The following PPP2R2D variants were observed in gnomAD, a reference collection of about 807,000 sequenced individuals.
PPP2R2D encodes serine/threonine-protein phosphatase 2A 55 kDa regulatory subunit B delta isoform.
Under a neutral mutation model 31.1 loss-of-function variants are expected in PPP2R2D, and 9 were observed. That is an observed-to-expected ratio of 0.29 (90% CI 0.17 to 0.51). The LOEUF (loss-of-function observed/expected upper bound fraction) is 0.51. PPP2R2D is among the 20% of genes least tolerant of loss of function. The pLI is 0.98. For synonymous variants in PPP2R2D, 179 were observed against 172.6 expected (o/e 1.04, Z -0.29); for missense variants, 391 against 465.6 (o/e 0.84, Z 1.48).
chr10:131,903,410 T>A (rs892817480), intron 2 of PPP2R2D, among the ~76,000 whole-genome samples: 4 of 136,626 alleles, frequency 2.9e-5, no homozygotes, highest in African/African-American at 1.1e-4. Flanking sequence ...GAGGTTGCAG[T>A]GAGTGGAGAT....
chr10:131,903,283 A>G (rs1451471658), intron 2 of PPP2R2D, among the ~76,000 whole-genome samples: 2 of 152,030 alleles, frequency 1.3e-5, no homozygotes, highest in Non-Finnish European at 1.5e-5. Flanking sequence ...CCTGGCCAAC[A>G]CAGTGAAACC....
the PPP2R2D span, chr10:131,970,731 C>T: frequency 6.2e-7 from 1 of 1,614,170 alleles, no homozygotes; most frequent in Non-Finnish European, 8.5e-7. The surrounding 1 kb of genome is among the most constrained non-coding windows in gnomAD (Gnocchi z 4.1). Context: ...CTTCATGACG[C>T]TCGTGTTCCT....
At chr10:131,934,793 C>G (rs1487938765) in intron 3 of PPP2R2D, 5 of 564,446 alleles carry the variant, frequency 8.9e-6, no homozygotes, top group African/African-American at 7.5e-5. Context: ...CGCTGGGGAC[C>G]CCATGAAGGA....
At chr10:131,923,908 C>G (rs992974993) in intron 2 of PPP2R2D, among the ~76,000 whole-genome samples, 8 of 152,100 alleles carry the variant, frequency 5.3e-5, no homozygotes, top group Non-Finnish European at 1.2e-4. Flanking sequence ...AGATACACAC[C>G]ACCACAGCCG....
chr10:131,913,778 T>C (rs1418087144), intron 2 of PPP2R2D, among the ~76,000 whole-genome samples: 1 of 152,156 alleles, frequency 6.6e-6, no homozygotes, highest in Non-Finnish European at 1.5e-5. Flanking sequence ...GTCAGGAGTT[T>C]AGAGCTCAGA....
At chr10:131,949,471 A>G (rs1159451483) in intron 8 of PPP2R2D, among the ~76,000 whole-genome samples, 1 of 152,228 alleles carries the variant, frequency 6.6e-6, no homozygotes, top group African/African-American at 2.4e-5. Flanking sequence ...CGTCACATTA[A>G]AATCATCTAA....
chr10:131,911,299 C>A (rs957963003), intron 2 of PPP2R2D, among the ~76,000 whole-genome samples: 1 of 152,240 alleles, frequency 6.6e-6, no homozygotes, highest in African/African-American at 2.4e-5. Context: ...GAGGTCCCCA[C>A]ACCTCTGGTG....
intron 2 of PPP2R2D, among the ~76,000 whole-genome samples, chr10:131,924,715 T>C (rs1342839549): frequency 6.6e-6 from 1 of 151,080 alleles, no homozygotes; most frequent in Non-Finnish European, 1.5e-5. Flanking sequence ...AAAAGGCAGC[T>C]GGGATTTTCA....
chr10:131,940,867 C>T (rs1399708640), intron 5 of PPP2R2D, 173 bp downstream of exon 5: 1 of 522,800 alleles, frequency 1.9e-6, no homozygotes, highest in Non-Finnish European at 3.4e-6. Context: ...CAAGGTCTTT[C>T]TCCTGTTTTC....
chr10:131,935,861 C>G (rs2036330203), intron 3 of PPP2R2D, among the ~76,000 whole-genome samples: 1 of 152,026 alleles, frequency 6.6e-6, no homozygotes, highest in Non-Finnish European at 1.5e-5. Context: ...GTCGGAAGTT[C>G]AAGACTAGCC....
At chr10:131,929,564 G>T (rs1554895393) in intron 2 of PPP2R2D, among the ~76,000 whole-genome samples, 4 of 152,004 alleles carry the variant, frequency 2.6e-5, no homozygotes, top group Non-Finnish European at 5.9e-5. Flanking sequence ...TCTCCACATC[G>T]CCCGTGTCCT....
intron 2 of PPP2R2D, among the ~76,000 whole-genome samples, chr10:131,933,679 C>T (rs1554896036): frequency 6.6e-6 from 1 of 152,152 alleles, no homozygotes; most frequent in Non-Finnish European, 1.5e-5. Flanking sequence ...AAATCTTTGT[C>T]CAAGTCACAG....
At chr10:131,901,574 G>A (rs1339813340) in intron 2 of PPP2R2D, among the ~76,000 whole-genome samples, 1 of 152,158 alleles carries the variant, frequency 6.6e-6, no homozygotes, top group African/African-American at 2.4e-5. Context: ...AAGTCACCAA[G>A]GTCACGGGCG....
At chr10:131,948,619 G>A (rs2036584130) in intron 8 of PPP2R2D, among the ~76,000 whole-genome samples, 1 of 152,210 alleles carries the variant, frequency 6.6e-6, no homozygotes, top group African/African-American at 2.4e-5. Flanking sequence ...CAGAATGGCA[G>A]CCTCTGAAGG....
chr10:131,901,905 G>A (rs1436421026), intron 2 of PPP2R2D, among the ~76,000 whole-genome samples: 1 of 152,238 alleles, frequency 6.6e-6, no homozygotes, highest in African/African-American at 2.4e-5. Context: ...TTACTGTGAG[G>A]TACTGCTACT....
In PPP2R2D at chr10:131,955,689, T is replaced by C; in HGVS notation, c.1088T>C (p.Ile363Thr). ...TCTGCTCTTGTTTTGAACAGCGCCA[T>C]CATGACCGGGTCCTATAACAACTTC... Reference protein sequence around the residue: ...ECCWNGSDSAIMTGSYNNFFR... With the variant: ...ECCWNGSDSATMTGSYNNFFR... The change falls in exon 9 of 9, where the codon ATC becomes ACC. Residue 363 changes from isoleucine (I) to threonine (T), a missense_variant. Ile to Thr is a moderately conservative substitution (Grantham distance 89, BLOSUM62 -1). Around this residue, in one of 3 missense-constraint regions of PPP2R2D, gnomAD observed 163 missense variants for 179.5 expected, o/e 0.91. Coordinates refer to ENST00000455566, the MANE Select transcript of PPP2R2D (RefSeq NM_018461.5). 6.9e-7 allele frequency: 1 copy of C among 1,452,380 alleles called. No homozygotes were observed. The highest frequency in any genetic ancestry group is 9.1e-7 in the Non-Finnish European group (1 of 1,095,352). 90.0% of individuals were successfully genotyped at this position (1,452,380 alleles called of 1,614,324 possible).
Position 131,945,580 on chromosome 10 carries a change from C to A in PPP2R2D, c.820+121C>A. ...GTTCCAGCAAGTCTTCTGCCTCGGCCTCCCGAGTAGCTGGGACCACAGGCA... is the reference window on the plus strand; with the variant it reads ...GTTCCAGCAAGTCTTCTGCCTCGGCATCCCGAGTAGCTGGGACCACAGGCA... On this transcript the variant is annotated intron_variant, in intron 7 of 8. Coordinates refer to ENST00000455566, the MANE Select transcript of PPP2R2D (RefSeq NM_018461.5). The surrounding 1 kb of genome is among the most constrained non-coding windows in gnomAD (Gnocchi z 4.8). The A allele has an allele frequency of 8.2e-7, 1 of 1,213,450 alleles. No homozygotes were observed. 75.2% of individuals were successfully genotyped at this position (1,213,450 alleles called of 1,614,324 possible). A position where few individuals can be genotyped will look rare whatever the true frequency, so the allele number is the denominator to read the frequency against.
intron 7 of PPP2R2D, among the ~76,000 whole-genome samples, chr10:131,946,409 A>C (rs1252292442): frequency 6.6e-6 from 1 of 152,008 alleles, no homozygotes; most frequent in Non-Finnish European, 1.5e-5. Flanking sequence ...AGTCAATCCC[A>C]CCAGACTGAG....
At chr10:131,939,053 A>G (rs768969335) in intron 3 of PPP2R2D, among the ~76,000 whole-genome samples, 43 of 152,234 alleles carry the variant, frequency 2.8e-4, no homozygotes, top group Admixed American at 7.2e-4. Flanking sequence ...ACTGTGTTCC[A>G]CTAACACTTG....
Sources: allele counts gnomAD v4.1 joint callset (sites outside exome capture counted in the v4.1 genomes callset), GRCh38; gene constraint gnomAD v4.1.1; regional missense constraint gnomAD v4.1.1; non-coding constraint Gnocchi (gnomAD v3.1); transcripts MANE v1.5; gene names NCBI Gene and HGNC (gene_info 2026-07-23, HGNC 2026-07-21).